Variants in SIRT4 observed in about 807,000 individuals in gnomAD.
The protein encoded by SIRT4 is sirtuin 4.
SIRT4 carries 23 observed loss-of-function variants against 26.1 expected under a neutral mutation model. The ratio of observed to expected loss-of-function variants is 0.88; its 90% CI spans 0.63 to 1.25. SIRT4 has a LOEUF of 1.25. SIRT4 is among the 50% of genes most tolerant of loss of function. SIRT4 has a pLI of 0.00. For synonymous variants in SIRT4, 155 were observed against 158.4 expected (o/e 0.98, Z 0.16); for missense variants, 361 against 405.4 (o/e 0.89, Z 0.94).
intron 2 of SIRT4, among the ~76,000 whole-genome samples, chr12:120,311,355 C>CAAAAAAATAAAAAATAAAAT (rs1872964092): frequency 1.3e-5 from 2 of 149,498 alleles, no homozygotes; most frequent in African/African-American, 4.9e-5. Context: ...AACTCCGTCT[C>CAAAAAAATAAAAAATAAAAT]AAAAAAATAA....
upstream of SIRT4, among the ~76,000 whole-genome samples, chr12:120,299,673 T>C (rs117497471): frequency 2.2e-3 from 332 of 152,260 alleles, 2 homozygotes; most frequent in Non-Finnish European, 3.5e-3. Flanking sequence ...CAGCCACTCA[T>C]ATACAAGTGG....
At chr12:120,298,956 G>T (rs2136821874), upstream of SIRT4, among the ~76,000 whole-genome samples, 1 of 127,238 alleles carries the variant, frequency 7.9e-6, no homozygotes, top group Admixed American at 7.9e-5. Flanking sequence ...GCCGGGCGCG[G>T]TGGCTCACGC....
rs201896661 is a variant in SIRT4, at chr12:120,313,214, T to G, written c.*178T>G. ...TGGATATTCTTAATTAAAACTCATTTTTTTTAAATAAAAAATTGTTCAGCT... is the reference window on the plus strand; with the variant it reads ...TGGATATTCTTAATTAAAACTCATTGTTTTTAAATAAAAAATTGTTCAGCT... On this transcript the variant is annotated 3_prime_UTR_variant, in exon 4 of 4. Coordinates refer to ENST00000202967, the MANE Select transcript of SIRT4 (RefSeq NM_012240.3). The G allele has an allele frequency of 2.3e-5, 15 of 664,856 alleles. No homozygotes were observed. Among genetic ancestry groups the G allele is most frequent in the Non-Finnish European group, 3.2e-5 (13 of 401,738 alleles). 41.2% of individuals were successfully genotyped at this position (664,856 alleles called of 1,614,324 possible).
At chr12:120,295,321 TC>T in the SIRT4 span, among the ~76,000 whole-genome samples, 2 of 147,636 alleles carry the variant, frequency 1.4e-5, no homozygotes, top group African/African-American at 2.5e-5. Flanking sequence ...TTCAGGTGAT[TC>T]TCCTGCCTCA....
Position 120,312,934 on chromosome 12 carries a change from G to A in SIRT4, c.843G>A (p.Pro281=), listed in dbSNP as rs1390859455. The A allele has an allele frequency of 1.2e-6, 2 of 1,614,174 alleles. No individual in the cohort carries two copies. Among genetic ancestry groups the A allele is most frequent in the African/African-American group, 1.3e-5 (1 of 75,050 alleles). The part of the protein sequence containing the change: ...FILTAWEKKL[P]IAILNIGPTR... The stretch of plus-strand genomic sequence containing the variant: ...TCACTGCCTGGGAGAAGAAGCTCCC[G>A]ATTGCAATACTGAACATTGGGCCCA... The change falls in exon 4 of 4, where the codon CCG becomes CCA. Residue 281 remains proline, a synonymous_variant. Transcript: ENST00000202967.
intron 2 of SIRT4, among the ~76,000 whole-genome samples, chr12:120,307,916 G>A (rs925179134): frequency 7.2e-5 from 11 of 152,068 alleles, no homozygotes; most frequent in South Asian, 2.1e-4. Flanking sequence ...AAATGACAAC[G>A]CATGATTGTG....
Position 120,303,642 on chromosome 12 carries a change from C to T in SIRT4, c.81C>T (p.Ala27=), listed in dbSNP as rs1872627073. 1.9e-6 allele frequency: 3 copies of T among 1,614,114 alleles called. No homozygotes were observed. The highest frequency in any genetic ancestry group is 2.5e-6 in the Non-Finnish European group (3 of 1,180,034). Residue 27 remains alanine (A), a synonymous_variant, in exon 2 of 4, where the codon GCC becomes GCT. Coordinates refer to ENST00000202967, the MANE Select transcript of SIRT4 (RefSeq NM_012240.3). ...IANPSQPCSK[A]SIGLFVPASP... Reference sequence around the variant, plus strand: ...ACCCCAGCCAGCCGTGCTCGAAAGCCTCCATTGGGTTATTTGTGCCAGCAA... The same window carrying T: ...ACCCCAGCCAGCCGTGCTCGAAAGCTTCCATTGGGTTATTTGTGCCAGCAA...
chr12:120,303,415 C>T, intron 1 of SIRT4, 146 bp from the exon 2 acceptor site: 1 of 887,386 alleles, frequency 1.1e-6, no homozygotes, highest in East Asian at 2.7e-5. Context: ...GCGGCGGTTA[C>T]AGTGAGCCAA....
the SIRT4 span, chr12:120,292,035 TAGG>T: frequency 6.6e-6 from 1 of 152,230 alleles, no homozygotes; most frequent in South Asian, 2.1e-4. Context: ...CCCATCTGCA[TAGG>T]AGGTTTCTTG....
chr12:120,311,050 A>T (rs1409017541), intron 2 of SIRT4, among the ~76,000 whole-genome samples: 1 of 53,144 alleles, frequency 1.9e-5, no homozygotes, highest in Non-Finnish European at 5.6e-5. Context: ...CTGTCTCTTA[A>T]AAAAAAAAAA....
Position 120,304,833 on chromosome 12 carries a change from ATATTTT to A in SIRT4, c.497+777_497+782del, listed in dbSNP as rs1219487814. On this transcript the variant is annotated intron_variant, in intron 2 of 3. Coordinates refer to ENST00000202967, the MANE Select transcript of SIRT4 (RefSeq NM_012240.3). ...TATATATATATATATATATATATAT[ATATTTT>A]TTTTTTTTTTTTTTTTTTTTAAAGA... Among the ~76,000 whole-genome samples, 58 of 8,200 alleles carry A rather than the reference ATATTTT, an allele frequency of 7.1e-3. No individual in the cohort carries two copies. In the East Asian group the frequency reaches 0.1, roughly 14 times the overall value. 5.4% of individuals were successfully genotyped at this position (8,200 alleles called of 152,430 possible). A position where few individuals can be genotyped will look rare whatever the true frequency, so the allele number is the denominator to read the frequency against.
intron 2 of SIRT4, among the ~76,000 whole-genome samples, chr12:120,310,280 C>G (rs1361499629): frequency 6.6e-6 from 1 of 151,950 alleles, no homozygotes; most frequent in Non-Finnish European, 1.5e-5. Context: ...GCAGGAGAAT[C>G]GCTTAAGCCC....
the SIRT4 span, among the ~76,000 whole-genome samples, chr12:120,295,615 T>A: frequency 6.6e-6 from 1 of 151,684 alleles, no homozygotes; most frequent in African/African-American, 2.4e-5. Context: ...CTGGATCATA[T>A]GTTAATTCAA....
chr12:120,291,913 C>CTT, the SIRT4 span: 7 of 151,430 alleles, frequency 4.6e-5, no homozygotes, highest in South Asian at 2.1e-4. Flanking sequence ...TGGAAAGGTT[C>CTT]TGTTCGCGCC....
chr12:120,310,358 C>G (rs998395078), intron 2 of SIRT4, among the ~76,000 whole-genome samples: 6 of 151,994 alleles, frequency 3.9e-5, no homozygotes, highest in Admixed American at 3.9e-4. Flanking sequence ...AGAGCAAGAC[C>G]CCGTCTCAAA....
At chr12:120,299,245 A>ATAAG (rs1165529844), upstream of SIRT4, among the ~76,000 whole-genome samples, 9 of 149,144 alleles carry the variant, frequency 6.0e-5, no homozygotes, top group East Asian at 1.6e-3. Context: ...AAATAAATAA[A>ATAAG]TACAATAATA....
At chr12:120,303,525 A>G (rs1168887880) in intron 1 of SIRT4, 36 bp from the exon 2 acceptor site, 1 of 1,537,776 alleles carries the variant, frequency 6.5e-7, no homozygotes, top group Admixed American at 2.3e-5. Flanking sequence ...AAAAAAAACC[A>G]CCCCAGTTTC....
chr12:120,302,722 T>C (rs1014417713), intron 1 of SIRT4, among the ~76,000 whole-genome samples: 10 of 146,456 alleles, frequency 6.8e-5, no homozygotes, highest in Non-Finnish European at 1.2e-4. Context: ...TTCTTTTTCT[T>C]TTTTTTTTTT....
At chr12:120,305,998 C>T (rs533019405) in intron 2 of SIRT4, among the ~76,000 whole-genome samples, 12 of 144,594 alleles carry the variant, frequency 8.3e-5, no homozygotes, top group African/African-American at 2.0e-4. Flanking sequence ...GGTGACAGAG[C>T]GAGACTCCGT....
Sources: allele counts gnomAD v4.1 joint callset (sites outside exome capture counted in the v4.1 genomes callset), GRCh38; gene constraint gnomAD v4.1.1; transcripts MANE v1.5; gene names NCBI Gene and HGNC (gene_info 2026-07-23, HGNC 2026-07-21).